Variants in AOPEP observed in about 807,000 individuals in gnomAD.
AOPEP encodes the protein aminopeptidase O (putative), also known as aminopeptidase O.
AOPEP carries 77 observed loss-of-function variants against 98.1 expected under a neutral mutation model. The observed-to-expected ratio is 0.78, with a 90% CI of 0.65 to 0.95. The LOEUF is 0.95. Ranked by LOEUF, AOPEP falls within the 40% of genes least tolerant of loss-of-function variation. The probability of loss-of-function intolerance (pLI) is 0.00; values close to 1 mark genes in which losing one functional copy is unlikely to be tolerated. For synonymous variants in AOPEP, 346 were observed against 365.3 expected (o/e 0.95, Z 0.60); for missense variants, 1,024 against 1,024.7 (o/e 1.00, Z 0.01).
chr9:95,056,773 A>G (rs1044601511), intron 13 of AOPEP, among the ~76,000 whole-genome samples: 3 of 152,190 alleles, frequency 2.0e-5, no homozygotes, highest in Non-Finnish European at 4.4e-5. Flanking sequence ...CAACTATGAG[A>G]TCTTCCATGT....
intron 11 of AOPEP, chr9:95,004,187 C>T (rs1240139767): frequency 6.6e-6 from 3 of 455,518 alleles, no homozygotes; most frequent in South Asian, 1.6e-5. Context: ...TCCGCCCCGG[C>T]CCGCCCTCAC....
At chr9:95,016,245 ATTTTTTT>A (rs532120566) in intron 13 of AOPEP, among the ~76,000 whole-genome samples, 11 of 123,638 alleles carry the variant, frequency 8.9e-5, no homozygotes, top group East Asian at 2.3e-4. Flanking sequence ...TTCTCTTGTG[ATTTTTTT>A]TTTTTTTTTT....
chr9:95,011,560 A>G (rs1369008991), intron 13 of AOPEP, among the ~76,000 whole-genome samples: 3 of 152,146 alleles, frequency 2.0e-5, no homozygotes, highest in Non-Finnish European at 4.4e-5. Flanking sequence ...CTGTAATCCA[A>G]GCACTTTGGG....
chr9:94,781,908 A>T (rs1843343907), intron 3 of AOPEP, among the ~76,000 whole-genome samples: 1 of 150,086 alleles, frequency 6.7e-6, no homozygotes, highest in Admixed American at 6.6e-5. Flanking sequence ...AAATACTCTG[A>T]GGGCTGGGTG....
At chr9:94,746,935 T>C (rs1417171564) in intron 1 of AOPEP, among the ~76,000 whole-genome samples, 1 of 152,226 alleles carries the variant, frequency 6.6e-6, no homozygotes, top group Admixed American at 6.5e-5. Context: ...TGATTTGCTT[T>C]TTTTGTTCAG....
intron 3 of AOPEP, among the ~76,000 whole-genome samples, chr9:94,787,097 G>GA (rs1844598422): frequency 6.6e-6 from 1 of 152,142 alleles, no homozygotes; most frequent in Non-Finnish European, 1.5e-5. Flanking sequence ...TTCCATTATT[G>GA]AACTTCAGAG....
chr9:94,978,461 A>G (rs1207887834), intron 10 of AOPEP, among the ~76,000 whole-genome samples: 1 of 152,044 alleles, frequency 6.6e-6, no homozygotes, highest in Non-Finnish European at 1.5e-5. Context: ...ACGAGGAGAC[A>G]GTAACTAAGT....
At chr9:94,939,141 G>A (rs879869258) in intron 7 of AOPEP, among the ~76,000 whole-genome samples, 1 of 151,836 alleles carries the variant, frequency 6.6e-6, no homozygotes, top group Non-Finnish European at 1.5e-5. Flanking sequence ...CCACCTACTT[G>A]GGAGGCTGAG....
the AOPEP span, among the ~76,000 whole-genome samples, chr9:95,147,670 A>G: frequency 2.0e-5 from 3 of 152,248 alleles, no homozygotes. Flanking sequence ...TACAGATGTT[A>G]ATGATTTACC....
At chr9:94,916,483 C>A (rs1021846429) in intron 5 of AOPEP, among the ~76,000 whole-genome samples, 2 of 151,956 alleles carry the variant, frequency 1.3e-5, no homozygotes, top group Non-Finnish European at 2.9e-5. Context: ...GGCGGGCAGA[C>A]CATGAGGTCA....
intron 5 of AOPEP, among the ~76,000 whole-genome samples, chr9:94,823,587 T>C (rs1479762993): frequency 6.6e-6 from 1 of 152,178 alleles, no homozygotes; most frequent in South Asian, 2.1e-4. Context: ...CTTTTAGGTG[T>C]CCACTGCCCT....
intron 11 of AOPEP, among the ~76,000 whole-genome samples, chr9:94,982,660 C>G (rs2060264183): frequency 6.6e-6 from 1 of 151,176 alleles, no homozygotes; most frequent in African/African-American, 2.4e-5. Flanking sequence ...CCTACACCTC[C>G]CGGGCTGCAG....
chr9:95,040,139 C>T (rs1296971890), intron 13 of AOPEP, among the ~76,000 whole-genome samples: 2 of 152,190 alleles, frequency 1.3e-5, no homozygotes, highest in Non-Finnish European at 2.9e-5. Flanking sequence ...AGGAGGCACA[C>T]AGTCAGGGGA....
intron 5 of AOPEP, among the ~76,000 whole-genome samples, chr9:94,911,704 A>G (rs1316259424): frequency 1.3e-5 from 2 of 152,170 alleles, no homozygotes; most frequent in Non-Finnish European, 2.9e-5. Flanking sequence ...AGTGTTGGAA[A>G]TTGGCCTCGA....
chr9:94,825,945 T>C (rs1183974574), intron 5 of AOPEP, among the ~76,000 whole-genome samples: 1 of 152,236 alleles, frequency 6.6e-6, no homozygotes, highest in Non-Finnish European at 1.5e-5. Flanking sequence ...TTTAGCTGTT[T>C]ATAACTGTTG....
chr9:94,902,841 A>T (rs1210849531), intron 5 of AOPEP, among the ~76,000 whole-genome samples: 4 of 151,412 alleles, frequency 2.6e-5, no homozygotes, highest in Admixed American at 2.6e-4. Context: ...AGATCACCTG[A>T]GGTTGGGAGT....
chr9:94,959,906 A>C (rs1004963489), intron 9 of AOPEP, among the ~76,000 whole-genome samples: 4 of 152,200 alleles, frequency 2.6e-5, no homozygotes, highest in African/African-American at 9.6e-5. Flanking sequence ...AAGTGTTTTA[A>C]ATTTTCTTTT....
intron 1 of AOPEP, among the ~76,000 whole-genome samples, chr9:94,756,299 C>G (rs994284522): frequency 1.3e-5 from 2 of 150,414 alleles, no homozygotes; most frequent in Admixed American, 6.6e-5. Context: ...TGTGATGGCT[C>G]ACACCTGTAA....
At chr9:94,905,420 G>A (rs1374191840) in intron 5 of AOPEP, among the ~76,000 whole-genome samples, 1 of 152,108 alleles carries the variant, frequency 6.6e-6, no homozygotes, top group Non-Finnish European at 1.5e-5. Flanking sequence ...ACTGTTCCAC[G>A]TCCTCAGATA....
Sources: allele counts gnomAD v4.1 joint callset (sites outside exome capture counted in the v4.1 genomes callset), GRCh38; gene constraint gnomAD v4.1.1; transcripts MANE v1.5; gene names NCBI Gene and HGNC (gene_info 2026-07-23, HGNC 2026-07-21).